Variants in RPSA2 observed in about 807,000 individuals in gnomAD.
RPSA2 encodes the protein ribosomal protein SA 2.
At chr19:23,792,761 C>T in the RPSA2 span, among the ~76,000 whole-genome samples, 14 of 151,858 alleles carry the variant, frequency 9.2e-5, no homozygotes, top group Admixed American at 8.5e-4. Context: ...GATCTGCCCG[C>T]CTCGGCCTCC....
the RPSA2 span, among the ~76,000 whole-genome samples, chr19:23,806,784 C>CAAAAA: frequency 1.4e-5 from 1 of 71,370 alleles, no homozygotes; most frequent in African/African-American, 5.2e-5. Context: ...GACTGAGTCT[C>CAAAAA]AAAAAAAAAA....
the RPSA2 span, among the ~76,000 whole-genome samples, chr19:23,848,569 A>G: frequency 6.6e-6 from 1 of 152,234 alleles, no homozygotes; most frequent in Non-Finnish European, 1.5e-5. Context: ...TAATTTAGTT[A>G]TGTCCAAGGA....
chr19:23,861,687 A>G, the RPSA2 span, among the ~76,000 whole-genome samples: 1 of 151,784 alleles, frequency 6.6e-6, no homozygotes, highest in African/African-American at 2.4e-5. Context: ...CAAGCCCCTC[A>G]CTCCACAAAA....
the RPSA2 span, among the ~76,000 whole-genome samples, chr19:23,772,854 A>G: frequency 2.0e-5 from 3 of 152,138 alleles, no homozygotes; most frequent in Non-Finnish European, 4.4e-5. Context: ...TACTATCCAA[A>G]CCCAACCAAC....
At chr19:23,761,088 A>ATATG in the RPSA2 span, among the ~76,000 whole-genome samples, 14 of 146,504 alleles carry the variant, frequency 9.6e-5, no homozygotes, top group East Asian at 2.0e-4. Context: ...GTATATATAT[A>ATATG]TGTGTGTGTG....
the RPSA2 span, among the ~76,000 whole-genome samples, chr19:23,824,580 C>CTTTTTTTTTTTTTTTT: frequency 1.3e-4 from 8 of 63,824 alleles, no homozygotes; most frequent in African/African-American, 4.9e-4. Context: ...TATAGCATTT[C>CTTTTTTTTTTTTTTTT]TTTTTTTTTT....
chr19:23,797,276 ATTTTTG>A, the RPSA2 span, among the ~76,000 whole-genome samples: 1 of 151,892 alleles, frequency 6.6e-6, no homozygotes, highest in African/African-American at 2.4e-5. Context: ...TGATGGGCTA[ATTTTTG>A]TATTTTTAGT....
chr19:23,761,921 T>TCTCTCGCTCTCTCTCTCTCTCTCTC, the RPSA2 span, among the ~76,000 whole-genome samples: 2 of 76,142 alleles, frequency 2.6e-5, 1 homozygote, highest in Non-Finnish European at 5.2e-5. Context: ...TCTTTCTTTC[T>TCTCTCGCTCTCTCTCTCTCTCTCTC]TTTTTTTTTT....
the RPSA2 span, chr19:23,827,012 T>C: frequency 1.5e-6 from 1 of 650,326 alleles, no homozygotes; most frequent in East Asian, 2.7e-5. Flanking sequence ...TTTCAAATTA[T>C]ATCTACTGAA....
the RPSA2 span, among the ~76,000 whole-genome samples, chr19:23,835,642 G>GT: frequency 6.6e-6 from 1 of 151,150 alleles, no homozygotes; most frequent in Non-Finnish European, 1.5e-5. Flanking sequence ...TGTTGTTCTT[G>GT]TTTTTTTCTT....
At chr19:23,862,169 C>A in the RPSA2 span, among the ~76,000 whole-genome samples, 1 of 152,080 alleles carries the variant, frequency 6.6e-6, no homozygotes, top group Non-Finnish European at 1.5e-5. Context: ...CGTGATTTGG[C>A]TCTCTGTTTG....
chr19:23,869,211 G>T, the RPSA2 span, among the ~76,000 whole-genome samples: 11 of 152,278 alleles, frequency 7.2e-5, no homozygotes, highest in South Asian at 1.7e-3. Flanking sequence ...ACATAGAACA[G>T]TTAGACTCTC....
chr19:23,814,504 T>G, the RPSA2 span, among the ~76,000 whole-genome samples: 1 of 152,182 alleles, frequency 6.6e-6, no homozygotes, highest in Non-Finnish European at 1.5e-5. Context: ...GCTTTTAATA[T>G]GTTTCAAAAT....
chr19:23,856,453 G>A, the RPSA2 span, among the ~76,000 whole-genome samples: 47 of 152,172 alleles, frequency 3.1e-4, no homozygotes, highest in African/African-American at 1.1e-3. Flanking sequence ...ATAATGTTTA[G>A]ACTCTGTGTG....
chr19:23,816,480 T>C, the RPSA2 span, among the ~76,000 whole-genome samples: 90 of 152,348 alleles, frequency 5.9e-4, 1 homozygote, highest in African/African-American at 1.9e-3. Context: ...ACTGGTTTTA[T>C]TGTAACTGTT....
At chr19:23,825,372 T>C in the RPSA2 span, among the ~76,000 whole-genome samples, 1 of 152,250 alleles carries the variant, frequency 6.6e-6, no homozygotes, top group Non-Finnish European at 1.5e-5. Flanking sequence ...ATTATAATTA[T>C]GCATGCTAAT....
chr19:23,836,000 T>A, the RPSA2 span, among the ~76,000 whole-genome samples: 148,874 of 152,218 alleles, frequency 0.98, 72,897 homozygotes, highest in Middle Eastern at 1. Context: ...TATATTTTTT[T>A]AATTTTATTG....
chr19:23,778,508 C>T, the RPSA2 span, among the ~76,000 whole-genome samples: 1 of 152,182 alleles, frequency 6.6e-6, no homozygotes. Flanking sequence ...GCCACTGTGC[C>T]TGGTGACTCT....
At chr19:23,807,033 G>C in the RPSA2 span, among the ~76,000 whole-genome samples, 1 of 152,094 alleles carries the variant, frequency 6.6e-6, no homozygotes, top group Non-Finnish European at 1.5e-5. Context: ...TTGTTCGAGT[G>C]CATTTGATGT....
Sources: allele counts gnomAD v4.1 joint callset (sites outside exome capture counted in the v4.1 genomes callset), GRCh38; gene constraint gnomAD v4.1.1; transcripts MANE v1.5; gene names NCBI Gene and HGNC (gene_info 2026-07-23, HGNC 2026-07-21).